PDE4D: variants seen among roughly 807,000 people sequenced by gnomAD.
PDE4D encodes the protein 3',5'-cyclic-AMP phosphodiesterase 4D.
PDE4D carries 24 observed loss-of-function variants against 87.4 expected under a neutral mutation model. The ratio of observed to expected loss-of-function variants is 0.27; its 90% confidence interval spans 0.20 to 0.39. PDE4D has a LOEUF of 0.39. PDE4D is among the 10% of genes least tolerant of loss of function. The pLI is 1.00. For synonymous variants in PDE4D, 384 were observed against 383.2 expected, an observed-to-expected ratio of 1.00 and a Z score of -0.02; for missense variants, 714 against 1,041.0, an observed-to-expected ratio of 0.69 and a Z score of 4.32.
rs59286272 is a variant in PDE4D at position 59,156,322 on chromosome 5, T to A, written c.808+24273A>T. On this transcript the variant is annotated intron_variant, in intron 5 of 14. Transcript: ENST00000340635. ...AGAGACTTGCCAGAAAAAAAAAAAA[T>A]ATATATATATGTGTGTGTGTGTGTG... 2.9e-3 allele frequency among the ~76,000 whole-genome samples: 243 copies of A among 83,594 alleles called. 1 individual carries two copies. Among genetic ancestry groups the A allele is most frequent in the East Asian group, 9.0e-3 (35 of 3,906 alleles). 54.8% of individuals were successfully genotyped at this position (83,594 alleles called of 152,430 possible).
intron 1 of PDE4D, among the ~76,000 whole-genome samples, chr5:60,211,540 GTA>G (rs1197994748): frequency 6.7e-6 from 1 of 148,598 alleles, no homozygotes; most frequent in African/African-American, 2.5e-5. Flanking sequence ...ATGTTTATTT[GTA>G]TATATGTTTT....
intron 3 of PDE4D, among the ~76,000 whole-genome samples, chr5:59,975,602 C>T (rs905278385): frequency 6.6e-6 from 1 of 152,176 alleles, no homozygotes; most frequent in Non-Finnish European, 1.5e-5. Context: ...ATTGCACCTG[C>T]TTTCCAATTT....
chr5:59,486,453 T>TC (rs1805171166), intron 1 of PDE4D, among the ~76,000 whole-genome samples: 1 of 152,252 alleles, frequency 6.6e-6, no homozygotes, highest in Non-Finnish European at 1.5e-5. Context: ...TTGATGTTTT[T>TC]CTGTGCCTTC....
intron 1 of PDE4D, among the ~76,000 whole-genome samples, chr5:60,297,225 T>C (rs1753487444): frequency 6.6e-6 from 1 of 152,228 alleles, no homozygotes; most frequent in East Asian, 1.9e-4. Context: ...TCTCATCAAG[T>C]ATTTTCAAAA....
At chr5:59,436,366 T>C (rs1400012760) in intron 1 of PDE4D, among the ~76,000 whole-genome samples, 4 of 152,222 alleles carry the variant, frequency 2.6e-5, no homozygotes, top group Non-Finnish European at 5.9e-5. Context: ...ATGAATCCAT[T>C]AAAATAATGA....
At chr5:59,827,467 C>G (rs1330668497) in intron 1 of PDE4D, among the ~76,000 whole-genome samples, 1 of 152,106 alleles carries the variant, frequency 6.6e-6, no homozygotes, top group African/African-American at 2.4e-5. Flanking sequence ...GATTATTATG[C>G]ACATGCTTTA....
At chr5:59,555,605 C>T (rs1583101393) in intron 1 of PDE4D, among the ~76,000 whole-genome samples, 2 of 152,166 alleles carry the variant, frequency 1.3e-5, no homozygotes, top group Admixed American at 1.3e-4. Flanking sequence ...AAGTATAACT[C>T]TTTTCTTAAG....
intron 1 of PDE4D, among the ~76,000 whole-genome samples, chr5:59,261,103 C>T (rs1761927315): frequency 6.6e-6 from 1 of 151,780 alleles, no homozygotes; most frequent in Admixed American, 6.6e-5. Flanking sequence ...TTGTGAAAGT[C>T]AGATAATAAT....
intron 3 of PDE4D, among the ~76,000 whole-genome samples, chr5:59,925,009 A>T (rs918005166): frequency 3.9e-5 from 6 of 151,922 alleles, no homozygotes; most frequent in Non-Finnish European, 7.4e-5. Flanking sequence ...CCCCGTCTCT[A>T]CTAAAAATAC....
intron 1 of PDE4D, among the ~76,000 whole-genome samples, chr5:59,662,516 T>C (rs1745422221): frequency 6.6e-6 from 1 of 152,240 alleles, no homozygotes; most frequent in Non-Finnish European, 1.5e-5. Flanking sequence ...TCATAAAGTT[T>C]ACTCTAAAGC....
intron 1 of PDE4D, among the ~76,000 whole-genome samples, chr5:60,207,153 G>A (rs562398744): frequency 2.0e-5 from 3 of 152,320 alleles, no homozygotes; most frequent in South Asian, 4.1e-4. Context: ...CTGAAGCAGG[G>A]CAGACTAGTA....
chr5:59,322,903 T>A (rs557661069), intron 1 of PDE4D, among the ~76,000 whole-genome samples: 1 of 152,272 alleles, frequency 6.6e-6, no homozygotes, highest in Admixed American at 6.5e-5. Flanking sequence ...TTAGTAGGAC[T>A]ATGAGCAAGA....
chr5:59,135,979 T>C (rs1007399588), intron 5 of PDE4D, among the ~76,000 whole-genome samples: 18 of 35,310 alleles, frequency 5.1e-4, no homozygotes, highest in African/African-American at 2.1e-3. Flanking sequence ...CCAGAAACCA[T>C]CTGAAAGGAT....
intron 1 of PDE4D, among the ~76,000 whole-genome samples, chr5:59,624,954 T>C (rs1337132724): frequency 1.3e-5 from 2 of 152,196 alleles, no homozygotes; most frequent in African/African-American, 4.8e-5. Context: ...TTGATAGGAA[T>C]TCCACATCTT....
intron 1 of PDE4D, among the ~76,000 whole-genome samples, chr5:59,879,335 C>T (rs955733650): frequency 6.6e-6 from 1 of 152,158 alleles, no homozygotes; most frequent in Non-Finnish European, 1.5e-5. Flanking sequence ...CTTGCTTTTC[C>T]TTACCAGCCC....
intron 2 of PDE4D, among the ~76,000 whole-genome samples, chr5:60,109,992 C>A (rs188472200): frequency 6.6e-6 from 1 of 151,770 alleles, no homozygotes; most frequent in African/African-American, 2.4e-5. Flanking sequence ...GCACATGTAC[C>A]CTAAAACTTA....
intron 1 of PDE4D, among the ~76,000 whole-genome samples, chr5:59,270,467 A>G (rs1325832374): frequency 6.6e-6 from 1 of 152,196 alleles, no homozygotes; most frequent in East Asian, 1.9e-4. Flanking sequence ...AAACTTGGTA[A>G]TAGAATTGGA....
intron 1 of PDE4D, among the ~76,000 whole-genome samples, chr5:59,236,739 T>C (rs1561780945): frequency 6.6e-6 from 1 of 151,636 alleles, no homozygotes; most frequent in Admixed American, 6.6e-5. Flanking sequence ...CTTTCTACGC[T>C]GCTGTTGGGA....
At chr5:60,232,173 A>C (rs1745891884) in intron 1 of PDE4D, among the ~76,000 whole-genome samples, 1 of 151,998 alleles carries the variant, frequency 6.6e-6, no homozygotes, top group African/African-American at 2.4e-5. Context: ...CTTCAATTAA[A>C]GCAGTTCTAA....
Sources: gnomAD v4.1 joint callset for allele counts (sites outside exome capture counted in the v4.1 genomes callset) on GRCh38, gnomAD v4.1.1 for gene constraint, MANE v1.5 for transcripts, NCBI Gene and HGNC (gene_info 2026-07-23, HGNC 2026-07-21) for gene names.